OLAH: variants seen among roughly 807,000 people sequenced by gnomAD.
OLAH encodes the protein S-acyl fatty acid synthase thioesterase, medium chain.
A neutral mutation model predicts 27.8 loss-of-function variants in OLAH; 33 were observed. The observed-to-expected ratio is 1.19, with a 90% CI of 0.90 to 1.59. OLAH has a LOEUF of 1.59. OLAH is among the 40% of genes most tolerant of loss of function. The pLI is 0.00. For synonymous variants in OLAH, 120 were observed against 102.9 expected, an observed-to-expected ratio of 1.17 and a Z score of -1.01; for missense variants, 359 against 310.8, an observed-to-expected ratio of 1.16 and a Z score of -1.17.
rs763828767 is a variant in OLAH, at chr10:15,064,430, T to G, written c.330T>G (p.Thr110=). The part of the protein sequence containing the change: ...HSMGSYIAFR[T]ALGLKENNQP... ...TGGGATCCTACATTGCTTTTAGGAC[T>G]GCACTAGGTCTAAAAGAAAACAATC... Residue 110 remains threonine, a synonymous_variant, in exon 5 of 8, where the codon ACT becomes ACG. Transcript: ENST00000378228. 8.7e-6 allele frequency: 14 copies of G among 1,602,556 alleles called. No homozygotes were observed. The highest frequency in any genetic ancestry group is 1.2e-5 in the Non-Finnish European group (14 of 1,175,580).
At chr10:15,039,508 C>T (rs578114132), upstream of OLAH, among the ~76,000 whole-genome samples, 7 of 152,180 alleles carry the variant, frequency 4.6e-5, no homozygotes, top group East Asian at 9.7e-4. Context: ...ACCTGGGAGG[C>T]GGAGGTTGCA....
In OLAH at chr10:15,066,702, G is replaced by T. The variant is rs1263635093; in HGVS notation, c.572+949G>T. ...GTCGCCCAGGCTGGAGTGCAGTGGTGTGATCTTGGCTCACTGCAACCTCCG... is the reference window on the plus strand; with the variant it reads ...GTCGCCCAGGCTGGAGTGCAGTGGTTTGATCTTGGCTCACTGCAACCTCCG... On this transcript the variant is annotated intron_variant, in intron 6 of 7. Transcript: ENST00000378228. Among the ~76,000 whole-genome samples the T allele has an allele frequency of 2.0e-5, 3 of 151,740 alleles. No individual in the cohort carries two copies. In the East Asian group the frequency reaches 5.8e-4, roughly 29 times the overall value.
At chr10:15,066,829 G>T (rs1471245054) in intron 6 of OLAH, among the ~76,000 whole-genome samples, 4 of 151,794 alleles carry the variant, frequency 2.6e-5, no homozygotes, top group Non-Finnish European at 5.9e-5. Flanking sequence ...TAGTAGAGAC[G>T]GGTTTTCACC....
chr10:15,063,759 C>T (rs1247787212), intron 4 of OLAH, among the ~76,000 whole-genome samples: 1 of 152,102 alleles, frequency 6.6e-6, no homozygotes, highest in African/African-American at 2.4e-5. Flanking sequence ...CATTAACAAA[C>T]CTATTATACA....
chr10:15,051,864 A>C (rs551277153), intron 3 of OLAH, among the ~76,000 whole-genome samples: 33 of 152,344 alleles, frequency 2.2e-4, no homozygotes, highest in African/African-American at 7.5e-4. Flanking sequence ...AAATATTTGC[A>C]CATTTGTGGG....
At position 15,073,131 on chromosome 10, in the gene OLAH, C is replaced by G. The variant is rs1478833469; in HGVS notation, c.700C>G (p.Pro234Ala). ...TGGAAATGCTAAAATTTACCAGCTT[C>G]CAGGGGGTCACTTTTATCTTCTGGA... Reference protein sequence around the residue: ...TSGNAKIYQLPGGHFYLLDPA... With the variant: ...TSGNAKIYQLAGGHFYLLDPA... The change falls in exon 8 of 8, where the codon CCA becomes GCA. Residue 234 changes from proline (P) to alanine (A), a missense_variant. Coordinates refer to ENST00000378228, the MANE Select transcript of OLAH (RefSeq NM_001039702.3). 1 of 1,613,196 alleles carries G rather than the reference C, an allele frequency of 6.2e-7. No homozygotes were observed. The highest frequency in any genetic ancestry group is 1.3e-5 in the African/African-American group (1 of 74,952).
chr10:15,068,988 C>G (rs1031430900), intron 6 of OLAH, among the ~76,000 whole-genome samples: 1 of 152,122 alleles, frequency 6.6e-6, no homozygotes, highest in African/African-American at 2.4e-5. Flanking sequence ...CCTTGGCGTT[C>G]AATGTTCCCT....
intron 1 of OLAH, among the ~76,000 whole-genome samples, chr10:15,046,410 A>C (rs1261284534): frequency 6.6e-6 from 1 of 152,050 alleles, no homozygotes; most frequent in African/African-American, 2.4e-5. Flanking sequence ...AAGATTGCAA[A>C]ATGGGAAGTT....
intron 1 of OLAH, among the ~76,000 whole-genome samples, chr10:15,033,414 G>T (rs1268842459): frequency 3.3e-5 from 5 of 151,984 alleles, no homozygotes; most frequent in African/African-American, 1.2e-4. Context: ...TATAGTAAGA[G>T]AGTGCAAGGG....
At chr10:15,056,459 A>G (rs1191545014) in intron 3 of OLAH, among the ~76,000 whole-genome samples, 1 of 152,186 alleles carries the variant, frequency 6.6e-6, no homozygotes, top group African/African-American at 2.4e-5. Context: ...ATTGTTGACA[A>G]TACCGTTGTA....
chr10:15,049,971 T>C (rs74993516), intron 3 of OLAH, among the ~76,000 whole-genome samples: 5,030 of 152,358 alleles, frequency 0.033, 114 homozygotes, highest in Non-Finnish European at 0.053. Flanking sequence ...AAGGACCTTT[T>C]AGGAGATGAC....
chr10:15,070,780 CTTTTTTT>C (rs71390010), intron 6 of OLAH, among the ~76,000 whole-genome samples: 2 of 99,934 alleles, frequency 2.0e-5, no homozygotes, highest in Admixed American at 1.1e-4. Flanking sequence ...CACGCCTGAA[CTTTTTTT>C]TTTTTTTTTT....
intron 5 of OLAH, 22 bp from the exon 6 acceptor site, chr10:15,065,562 G>C: frequency 6.3e-7 from 1 of 1,599,092 alleles, no homozygotes; most frequent in Non-Finnish European, 8.5e-7. Context: ...TATCAGGCCT[G>C]TGTTGTTGTT....
intron 3 of OLAH, among the ~76,000 whole-genome samples, chr10:15,058,859 A>G (rs1844297113): frequency 6.6e-6 from 1 of 152,044 alleles, no homozygotes; most frequent in Non-Finnish European, 1.5e-5. Context: ...TGCCAGGGTG[A>G]CAGTTGTTCC....
chr10:15,045,424 C>T (rs980244132), intron 1 of OLAH, among the ~76,000 whole-genome samples: 1 of 152,170 alleles, frequency 6.6e-6, no homozygotes, highest in Admixed American at 6.5e-5. Flanking sequence ...CTCTCTTTTT[C>T]TGCCTTTCAT....
intron 5 of OLAH, among the ~76,000 whole-genome samples, chr10:15,065,234 T>C (rs1844444506): frequency 6.6e-6 from 1 of 152,158 alleles, no homozygotes; most frequent in South Asian, 2.1e-4. Flanking sequence ...GGGACAGTGA[T>C]GTCAAGTTCT....
Position 15,034,296 on chromosome 10 carries a change from C to G in OLAH, c.-164+1946C>G, listed in dbSNP as rs767602118. On this transcript the variant is annotated intron_variant, in intron 1 of 3. Transcript: ENST00000413672. ...TACAGGCTCCCACCACCATGCCTGG[C>G]TAATTTTTGTATTTTTAGTAGAGAC... is the stretch of plus-strand genomic sequence containing the variant. Among the ~76,000 whole-genome samples the G allele has an allele frequency of 3.0e-4, 46 of 151,908 alleles. 2 individuals are homozygous for G. Among genetic ancestry groups the G allele is most frequent in the Non-Finnish European group, 2.1e-4 (14 of 67,996 alleles).
intron 3 of OLAH, among the ~76,000 whole-genome samples, chr10:15,061,120 T>C (rs947951204): frequency 6.6e-6 from 1 of 152,152 alleles, no homozygotes; most frequent in East Asian, 1.9e-4. Context: ...CAAGATAACA[T>C]AAATAAACTT....
chr10:15,068,316 T>C (rs1844506999), intron 6 of OLAH, among the ~76,000 whole-genome samples: 2 of 152,236 alleles, frequency 1.3e-5, no homozygotes, highest in Admixed American at 1.3e-4. Flanking sequence ...CTGGGTCTTA[T>C]CTGTGTCTGA....
Sources: gnomAD v4.1 joint callset for allele counts (sites outside exome capture counted in the v4.1 genomes callset) on GRCh38, gnomAD v4.1.1 for gene constraint, MANE v1.5 for transcripts, NCBI Gene and HGNC (gene_info 2026-07-23, HGNC 2026-07-21) for gene names.